Variants in FAT3 observed in about 807,000 individuals in gnomAD.
FAT3 encodes the protein FAT atypical cadherin 3.
FAT3 carries 95 observed loss-of-function variants against 310.2 expected under a neutral mutation model. The ratio of observed to expected loss-of-function variants is 0.31; its 90% CI spans 0.26 to 0.36. FAT3 has a LOEUF of 0.36. Among genes scored for constraint, FAT3 ranks in the 10% least tolerant of loss-of-function variants. The pLI, the probability that FAT3 is intolerant of heterozygous loss-of-function variation, is 1.00. For synonymous variants in FAT3, 2,314 were observed against 2,192.9 expected, an observed-to-expected ratio of 1.06 and a Z score of -1.54; for missense variants, 5,408 against 5,715.6, an observed-to-expected ratio of 0.95 and a Z score of 1.74.
rs192839817 is a variant in FAT3 at position 92,554,905 on chromosome 11, C to G, written c.3607+29957C>G. On this transcript the variant is annotated intron_variant, in intron 3 of 27. Coordinates refer to ENST00000525166, the MANE Select transcript of FAT3 (RefSeq NM_001367949.2). ...CTGCCGTGTCTGCTGCACTGAAGCT[C>G]ATAATCTGCGAGAGAAGATGCCACT... is the stretch of plus-strand genomic sequence containing the variant. Among the ~76,000 whole-genome samples, 35 of 152,328 alleles carry G rather than the reference C, an allele frequency of 2.3e-4. 1 individual carries two copies. Among genetic ancestry groups the G allele is most frequent in the Admixed American group, 2.0e-3 (31 of 15,302 alleles).
At chr11:92,372,677 C>G (rs1211270855) in intron 2 of FAT3, among the ~76,000 whole-genome samples, 1 of 147,632 alleles carries the variant, frequency 6.8e-6, no homozygotes, top group Non-Finnish European at 1.5e-5. Context: ...TTTTTTTTTT[C>G]TGAGACGGAA....
At chr11:92,630,956 T>G in intron 3 of FAT3, among the ~76,000 whole-genome samples, 1 of 152,246 alleles carries the variant, frequency 6.6e-6, no homozygotes, top group East Asian at 1.9e-4. Context: ...TGGAAATTAT[T>G]ATTTACAAAT....
intron 3 of FAT3, among the ~76,000 whole-genome samples, chr11:92,615,493 C>T (rs559952455): frequency 3.3e-5 from 5 of 152,180 alleles, no homozygotes; most frequent in Admixed American, 6.5e-5. Context: ...GTGATCCACC[C>T]ACCTCAGCCT....
At chr11:92,747,108 T>A (rs1945693478) in intron 4 of FAT3, among the ~76,000 whole-genome samples, 1 of 152,194 alleles carries the variant, frequency 6.6e-6, no homozygotes, top group African/African-American at 2.4e-5. Context: ...GTGTGGGGGC[T>A]CCAACCCCAC....
intron 2 of FAT3, among the ~76,000 whole-genome samples, chr11:92,445,544 A>G (rs750467406): frequency 3.3e-5 from 5 of 152,172 alleles, no homozygotes; most frequent in Non-Finnish European, 7.3e-5. Flanking sequence ...ATATGGATCA[A>G]TAATGGTCCA....
At chr11:92,721,496 A>G (rs1177896933) in intron 4 of FAT3, among the ~76,000 whole-genome samples, 1 of 152,236 alleles carries the variant, frequency 6.6e-6, no homozygotes, top group Admixed American at 6.5e-5. Context: ...ATTTACATAC[A>G]CTTACATAAA....
intron 2 of FAT3, among the ~76,000 whole-genome samples, chr11:92,422,317 A>C (rs1697846616): frequency 6.6e-6 from 1 of 152,108 alleles, no homozygotes; most frequent in Non-Finnish European, 1.5e-5. Flanking sequence ...TTTGCCTGCC[A>C]CTTCAAATTC....
chr11:92,382,599 T>A (rs1039627456), intron 2 of FAT3, among the ~76,000 whole-genome samples: 2 of 152,122 alleles, frequency 1.3e-5, no homozygotes, highest in Admixed American at 6.5e-5. Flanking sequence ...TCTGCCACCA[T>A]CTAGATACCC....
At chr11:92,489,244 A>G (rs564924433) in intron 2 of FAT3, among the ~76,000 whole-genome samples, 1 of 152,150 alleles carries the variant, frequency 6.6e-6, no homozygotes, top group Non-Finnish European at 1.5e-5. Context: ...TAGCCCTAGC[A>G]CTTAGGGCAG....
At chr11:92,378,715 G>A (rs1591195835) in intron 2 of FAT3, among the ~76,000 whole-genome samples, 1 of 152,126 alleles carries the variant, frequency 6.6e-6, no homozygotes, top group Admixed American at 6.5e-5. Context: ...AATACCATAA[G>A]CTGAGCAGCT....
chr11:92,682,819 T>C (rs1175442801), intron 3 of FAT3, among the ~76,000 whole-genome samples: 2 of 152,148 alleles, frequency 1.3e-5, no homozygotes, highest in African/African-American at 4.8e-5. Flanking sequence ...GGCTCAGTCC[T>C]GTAATCCTAG....
At chr11:92,266,009 T>C (rs1945935331) in intron 1 of FAT3, among the ~76,000 whole-genome samples, 1 of 152,162 alleles carries the variant, frequency 6.6e-6, no homozygotes. Flanking sequence ...TTCTTGATGT[T>C]TTTTGAACTT....
intron 7 of FAT3, among the ~76,000 whole-genome samples, chr11:92,782,786 A>G (rs931154729): frequency 7.2e-5 from 11 of 152,124 alleles, no homozygotes; most frequent in African/African-American, 1.9e-4. Context: ...TTGACCTTCA[A>G]TGCTTTGAGG....
At chr11:92,384,333 G>A (rs1949569940) in intron 2 of FAT3, among the ~76,000 whole-genome samples, 1 of 152,198 alleles carries the variant, frequency 6.6e-6, no homozygotes, top group African/African-American at 2.4e-5. Context: ...GAGGAAACAG[G>A]TAGAGAGTTG....
Position 92,354,870 on chromosome 11 carries a change from G to T in FAT3, c.2758G>T (p.Val920Phe), listed in dbSNP as rs1948688766. The T allele has an allele frequency of 6.2e-7, 1 of 1,613,744 alleles. No homozygotes were observed. The highest frequency in any genetic ancestry group is 1.3e-5 in the African/African-American group (1 of 74,900). Residue 920 changes from valine to phenylalanine, a missense_variant, in exon 2 of 28, where the codon GTC becomes TTC. Physicochemically the swap from Val to Phe is conservative, Grantham distance 50. Transcript: ENST00000525166. ...GAGTGGTCAGCAGCTGTTTTCAGTT[G>T]TCACTCTTAAAGTTTTTTTAGATGA... is the stretch of plus-strand genomic sequence containing the variant. ...AESGQQLFSVVTLKVFLDDVN... is the reference protein window; with the variant it reads ...AESGQQLFSVFTLKVFLDDVN...
At chr11:92,367,090 G>T (rs964334818) in intron 2 of FAT3, 1 of 455,120 alleles carries the variant, frequency 2.2e-6, no homozygotes, top group South Asian at 1.7e-5. Context: ...GGTGAAGCAG[G>T]TGTCAAATTC....
At chr11:92,602,237 C>T (rs940844539) in intron 3 of FAT3, among the ~76,000 whole-genome samples, 3 of 152,056 alleles carry the variant, frequency 2.0e-5, no homozygotes, top group Non-Finnish European at 4.4e-5. Flanking sequence ...CCACGCCCGG[C>T]TAATTTTTGT....
At chr11:92,853,951 G>A (rs1201646829) in intron 19 of FAT3, among the ~76,000 whole-genome samples, 1 of 152,128 alleles carries the variant, frequency 6.6e-6, no homozygotes, top group Non-Finnish European at 1.5e-5. Context: ...GGCATCACTG[G>A]GGACCTGCCC....
intron 2 of FAT3, among the ~76,000 whole-genome samples, chr11:92,494,031 ATT>A (rs5793604): frequency 0.05 from 7,181 of 144,260 alleles, 530 homozygotes; most frequent in African/African-American, 0.16. Flanking sequence ...ATCTGATTCT[ATT>A]TTTTTTTTTT....
Sources: gnomAD v4.1 joint callset for allele counts (sites outside exome capture counted in the v4.1 genomes callset) on GRCh38, gnomAD v4.1.1 for gene constraint, MANE v1.5 for transcripts, NCBI Gene and HGNC (gene_info 2026-07-23, HGNC 2026-07-21) for gene names.